KCNJ6: variants seen among roughly 807,000 people sequenced by gnomAD.
KCNJ6 encodes the protein potassium inwardly rectifying channel subfamily J member 6.
KCNJ6 carries 9 observed loss-of-function variants against 34.2 expected under a neutral mutation model. The observed-to-expected ratio is 0.26, with a 90% confidence interval of 0.16 to 0.46. The LOEUF is 0.46. Among genes scored for constraint, KCNJ6 ranks in the 20% least tolerant of loss-of-function variants. The probability of loss-of-function intolerance (pLI) is 1.00; values close to 1 mark genes in which losing one functional copy is unlikely to be tolerated. For synonymous variants in KCNJ6, 196 were observed against 207.1 expected (o/e 0.95, Z 0.46); for missense variants, 236 against 531.3 (o/e 0.44, Z 5.46).
intron 1 of KCNJ6, among the ~76,000 whole-genome samples, chr21:37,842,199 A>C (rs1253064807): frequency 6.6e-6 from 1 of 152,154 alleles, no homozygotes; most frequent in African/African-American, 2.4e-5. Context: ...CATCGTTATG[A>C]AGTTTACTCA....
intron 1 of KCNJ6, among the ~76,000 whole-genome samples, chr21:37,883,277 A>G (rs1302845737): frequency 6.6e-6 from 1 of 152,212 alleles, no homozygotes; most frequent in Non-Finnish European, 1.5e-5. Context: ...TGCAAGTCCC[A>G]TGTAGTCTCT....
At chr21:37,905,729 C>G (rs1259774096) in intron 1 of KCNJ6, among the ~76,000 whole-genome samples, 1 of 152,158 alleles carries the variant, frequency 6.6e-6, no homozygotes, top group Non-Finnish European at 1.5e-5. Flanking sequence ...CTCTCATTTT[C>G]TAAGTTTAAG....
At chr21:37,890,265 A>G (rs993009097) in intron 1 of KCNJ6, among the ~76,000 whole-genome samples, 1 of 152,096 alleles carries the variant, frequency 6.6e-6, no homozygotes, top group Admixed American at 6.5e-5. Flanking sequence ...CCCTTATAAA[A>G]CCATCAGATC....
Position 37,629,744 on chromosome 21 carries a change from T to C in KCNJ6, c.947-4260A>G, listed in dbSNP as rs1327124970. Among the ~76,000 whole-genome samples, 5 of 152,216 alleles carry C rather than the reference T, an allele frequency of 3.3e-5. No homozygotes were observed. In the East Asian group the frequency reaches 7.7e-4, roughly 23 times the overall value. ...CCACTCAGTCTGTGGTACTTTGTTATGGCAGCAAACTCAATACACTTACTG... is the reference window on the plus strand; with the variant it reads ...CCACTCAGTCTGTGGTACTTTGTTACGGCAGCAAACTCAATACACTTACTG... On this transcript the variant is annotated intron_variant, in intron 3 of 3. Transcript: ENST00000609713.
In KCNJ6 at chr21:37,770,379, A is replaced by G. The variant is rs76934394; in HGVS notation, c.26-55248T>C. Among the ~76,000 whole-genome samples, 4 of 151,794 alleles carry G rather than the reference A, an allele frequency of 2.6e-5. No individual in the cohort carries two copies. In the East Asian group the frequency reaches 7.7e-4, roughly 29 times the overall value. On this transcript the variant is annotated intron_variant, in intron 2 of 3. Transcript: ENST00000609713. ...CTGCATGATTTTTTTTTTTCAATTT[A>G]TAGAGAAGGAATTGATTCTCATGCC...
chr21:37,661,633 T>TTTTTTTTTTTTTTTTTTTTTTTTTTTTC (rs2054489446), intron 3 of KCNJ6, among the ~76,000 whole-genome samples: 1 of 134,990 alleles, frequency 7.4e-6, no homozygotes, highest in Admixed American at 7.5e-5. Context: ...TTTTTTTTTT[T>TTTTTTTTTTTTTTTTTTTTTTTTTTTTC]TTTTTTTGAG....
At chr21:37,869,962 G>A (rs1176359683) in intron 1 of KCNJ6, among the ~76,000 whole-genome samples, 2 of 152,206 alleles carry the variant, frequency 1.3e-5, no homozygotes, top group Non-Finnish European at 2.9e-5. Context: ...GAAGTGAAAA[G>A]CAAAGGGCCA....
rs199947504 is a variant in KCNJ6 at position 37,617,128 on chromosome 21, CTTCTTTCT to C, written c.*8023_*8030del. 3.8e-5 allele frequency: 3 copies of C among 79,908 alleles called. No homozygotes were observed. Among genetic ancestry groups the C allele is most frequent in the East Asian group, 6.4e-4 (2 of 3,116 alleles). 4.9% of individuals were successfully genotyped at this position (79,908 alleles called of 1,614,324 possible). A position where few individuals can be genotyped will look rare whatever the true frequency, so the allele number is the denominator to read the frequency against. On this transcript the variant is annotated 3_prime_UTR_variant, in exon 4 of 4. Coordinates refer to ENST00000609713, the MANE Select transcript of KCNJ6 (RefSeq NM_002240.5). ...TCTTTCTTTCCTTCTTCCTTCCTTCCTTCTTTCTTTCCTTCCTTCCTTCCTTCTTTCTT... is the reference window on the plus strand; with the variant it reads ...TCTTTCTTTCCTTCTTCCTTCCTTCCTTCCTTCCTTCCTTCCTTCTTTCTT...
At chr21:37,638,252 T>C (rs908840918) in intron 3 of KCNJ6, among the ~76,000 whole-genome samples, 11 of 152,210 alleles carry the variant, frequency 7.2e-5, no homozygotes, top group Non-Finnish European at 1.3e-4. Flanking sequence ...GTTCAAGTGA[T>C]TCTCCTGCCT....
At chr21:37,699,503 T>G (rs1387956366) in intron 3 of KCNJ6, among the ~76,000 whole-genome samples, 1 of 152,224 alleles carries the variant, frequency 6.6e-6, no homozygotes, top group Non-Finnish European at 1.5e-5. Context: ...TTTGCTCTTC[T>G]GAGAGCCAGC....
intron 3 of KCNJ6, among the ~76,000 whole-genome samples, chr21:37,658,618 C>T (rs2054474983): frequency 6.6e-6 from 1 of 152,192 alleles, no homozygotes; most frequent in Non-Finnish European, 1.5e-5. Flanking sequence ...TACCCAGATA[C>T]TTTGCTCACT....
At chr21:37,740,614 G>T (rs1251512773) in intron 2 of KCNJ6, among the ~76,000 whole-genome samples, 1 of 152,174 alleles carries the variant, frequency 6.6e-6, no homozygotes, top group Non-Finnish European at 1.5e-5. Context: ...GCTGCACCCT[G>T]ACCACCTTGG....
chr21:37,724,728 G>C (rs2054845033), intron 2 of KCNJ6, among the ~76,000 whole-genome samples: 2 of 152,216 alleles, frequency 1.3e-5, no homozygotes, highest in South Asian at 4.1e-4. Flanking sequence ...AACCAGGTGT[G>C]TGGGGCTAGA....
rs1277450106 is a variant in KCNJ6, at chr21:37,629,571, A to G, written c.947-4087T>C. Among the ~76,000 whole-genome samples the G allele has an allele frequency of 2.6e-5, 4 of 152,180 alleles. No individual in the cohort carries two copies. In the East Asian group the frequency reaches 7.7e-4, roughly 29 times the overall value. ...GAAGAGGAAATTAGGACACAGACAC[A>G]CACAGAGGAAAGATTATGTGAACAG... On this transcript the variant is annotated intron_variant, in intron 3 of 3. Transcript: ENST00000609713.
intron 3 of KCNJ6, among the ~76,000 whole-genome samples, chr21:37,701,922 C>G (rs1013301548): frequency 5.3e-5 from 8 of 152,214 alleles, no homozygotes; most frequent in African/African-American, 1.4e-4. Context: ...GTGATTTGCT[C>G]TGATTTATGT....
chr21:37,774,782 C>G (rs910481694), intron 2 of KCNJ6, among the ~76,000 whole-genome samples: 15 of 152,290 alleles, frequency 9.8e-5, no homozygotes, highest in Admixed American at 4.6e-4. Flanking sequence ...CAAGTCTTTG[C>G]TATTGTGAAT....
At chr21:37,703,902 C>T (rs913192749) in intron 3 of KCNJ6, among the ~76,000 whole-genome samples, 3 of 152,254 alleles carry the variant, frequency 2.0e-5, no homozygotes, top group African/African-American at 4.8e-5. Flanking sequence ...ACAGGTGAGG[C>T]TTTTGCTAAT....
chr21:37,689,780 G>C (rs1000612784), intron 3 of KCNJ6, among the ~76,000 whole-genome samples: 38 of 151,680 alleles, frequency 2.5e-4, no homozygotes, highest in Admixed American at 7.9e-4. Context: ...ATGAAGTATT[G>C]GGAGATGAGT....
chr21:37,863,143 TTTTGTGTTATTTGA>T (rs1165214117), intron 1 of KCNJ6, among the ~76,000 whole-genome samples: 1 of 152,178 alleles, frequency 6.6e-6, no homozygotes, highest in African/African-American at 2.4e-5. Flanking sequence ...ATTTTGCTTA[TTTTGTGTTATTTGA>T]TTCATTAATA....
Sources: allele counts gnomAD v4.1 joint callset (sites outside exome capture counted in the v4.1 genomes callset), GRCh38; gene constraint gnomAD v4.1.1; transcripts MANE v1.5; gene names NCBI Gene and HGNC (gene_info 2026-07-23, HGNC 2026-07-21).